The following DENND2B variants were observed in gnomAD, a reference collection of about 807,000 sequenced individuals.
DENND2B encodes DENN domain containing 2B, also known as DENN domain-containing protein 2B.
Under a neutral mutation model 116.0 loss-of-function variants are expected in DENND2B, and 32 were observed. The ratio of observed to expected loss-of-function variants is 0.28; its 90% confidence interval spans 0.21 to 0.37. The LOEUF (loss-of-function observed/expected upper bound fraction) is 0.37. DENND2B is among the 10% of genes least tolerant of loss of function. DENND2B has a pLI of 1.00. For synonymous variants in DENND2B, 588 were observed against 583.9 expected, an observed-to-expected ratio of 1.01 and a Z score of -0.10; for missense variants, 1,276 against 1,477.7, an observed-to-expected ratio of 0.86 and a Z score of 2.24.
upstream of DENND2B, among the ~76,000 whole-genome samples, chr11:8,813,969 C>G: frequency 6.6e-6 from 1 of 152,268 alleles, no homozygotes; most frequent in East Asian, 1.9e-4. Context: ...CTACCTGACC[C>G]TTCTGAAGGA....
At position 8,715,631 on chromosome 11, in the gene DENND2B, G is replaced by A; in HGVS notation, c.1817C>T (p.Ser606Phe). The A allele has an allele frequency of 6.2e-7, 1 of 1,613,454 alleles. No homozygotes were observed. The highest frequency in any genetic ancestry group is 8.5e-7 in the Non-Finnish European group (1 of 1,179,598). ...DSLSTTSELL[S>F]SRRARRIPKL... is the part of the protein sequence containing the mutation. ...GGGAATGCGGCGGGCCCGGCGGCTG[G>A]ACAGCAGCTCGCTGGTGGTGCTGAG... Residue 606 changes from serine (S) to phenylalanine (F), a missense_variant, in exon 6 of 20, where the codon TCC (serine) becomes TTC (phenylalanine). Ser to Phe is a radical substitution (Grantham distance 155). Transcript: ENST00000313726.
intron 9 of DENND2B, chr11:8,711,843 T>A (rs1358879252): frequency 5.7e-6 from 2 of 351,768 alleles, no homozygotes; most frequent in African/African-American, 4.3e-5. Flanking sequence ...CTCCAGCCTC[T>A]GTAACAAGAG....
intron 1 of DENND2B, chr11:8,895,539 T>C (rs2064090831): frequency 6.6e-6 from 1 of 152,092 alleles, no homozygotes; most frequent in African/African-American, 2.4e-5. Context: ...CTTACAGTAG[T>C]CAAAATAATA....
chr11:8,855,309 G>C (rs924107152), intron 3 of DENND2B, among the ~76,000 whole-genome samples: 4 of 151,734 alleles, frequency 2.6e-5, no homozygotes, highest in African/African-American at 9.7e-5. Flanking sequence ...ATCTCGCTCA[G>C]GCTGGCAATC....
At chr11:8,878,445 A>C (rs1259693862) in intron 2 of DENND2B, among the ~76,000 whole-genome samples, 1 of 151,402 alleles carries the variant, frequency 6.6e-6, no homozygotes, top group African/African-American at 2.4e-5. Flanking sequence ...GCTGGAGTGC[A>C]ATGGCGCGAT....
chr11:8,894,384 G>A (rs9794836), intron 1 of DENND2B, among the ~76,000 whole-genome samples: 132,972 of 151,958 alleles, frequency 0.88, 59,823 homozygotes, highest in East Asian at 1. Flanking sequence ...CAACAAAAGC[G>A]AAAATTGACA....
At chr11:8,697,396 G>T in intron 17 of DENND2B, 129 bp downstream of exon 17, 1 of 685,470 alleles carries the variant, frequency 1.5e-6, no homozygotes, top group Non-Finnish European at 2.5e-6. Context: ...AGACGCTAGA[G>T]TGAGACCAAG....
rs189297843 is a variant in DENND2B at position 8,775,509 on chromosome 11, C to T, written c.-25-24784G>A. ...AATGGGCACATTCTAGTGGCTAATT[C>T]CTCTGACCTTCCAGATGGCTGGGGT... is the stretch of plus-strand genomic sequence containing the variant. On this transcript the variant is annotated intron_variant, in intron 1 of 19. Transcript: ENST00000313726. 2.0e-5 allele frequency among the ~76,000 whole-genome samples: 3 copies of T among 152,154 alleles called. No homozygotes were observed. In the East Asian group the frequency reaches 5.8e-4, roughly 30 times the overall value.
At chr11:8,830,585 A>C (rs1012453645) in intron 4 of DENND2B, 2 of 152,222 alleles carry the variant, frequency 1.3e-5, no homozygotes, top group African/African-American at 4.8e-5. Flanking sequence ...GTGGAAAGAA[A>C]GATCTTTGTT....
chr11:8,806,605 A>AAAACACACACACACACAC (rs372362474), intron 1 of DENND2B, among the ~76,000 whole-genome samples: 9 of 118,576 alleles, frequency 7.6e-5, no homozygotes, highest in Admixed American at 1.8e-4. Context: ...CTCCCTTCAA[A>AAAACACACACACACACAC]ACACACACAC....
chr11:8,821,593 C>T (rs1422783259), intron 4 of DENND2B, among the ~76,000 whole-genome samples: 2 of 151,278 alleles, frequency 1.3e-5, no homozygotes, highest in African/African-American at 4.9e-5. Flanking sequence ...AAAAAAAGAA[C>T]TAACTTTAAA....
rs1247533964 is a variant in DENND2B, at chr11:8,880,341, T to C, written c.-156+669A>G. On this transcript the variant is annotated intron_variant, in intron 2 of 22. Coordinates refer to the DENND2B transcript ENST00000534127. The stretch of plus-strand genomic sequence containing the variant: ...ACAGATGCACTGGAAGCTGTCACTT[T>C]GAACTGTGTGTGTGTGTGTGTGTGT... Among the ~76,000 whole-genome samples, 6 of 79,524 alleles carry C rather than the reference T, an allele frequency of 7.5e-5. No homozygotes were observed. In the East Asian group the frequency reaches 1.5e-3, roughly 20 times the overall value. 52.2% of individuals were successfully genotyped at this position (79,524 alleles called of 152,430 possible). A position where few individuals can be genotyped will look rare whatever the true frequency, so the allele number is the denominator to read the frequency against.
chr11:8,763,552 G>A (rs2055062993), intron 1 of DENND2B, among the ~76,000 whole-genome samples: 1 of 151,444 alleles, frequency 6.6e-6, no homozygotes, highest in Admixed American at 6.6e-5. Flanking sequence ...ATACAGCAAT[G>A]AGAATGAACA....
At chr11:8,802,307 A>AAAAG in intron 1 of DENND2B, among the ~76,000 whole-genome samples, 1 of 151,918 alleles carries the variant, frequency 6.6e-6, no homozygotes, top group South Asian at 2.1e-4. Flanking sequence ...TGGAAAAAAA[A>AAAAG]AAAAGGAACT....
intron 4 of DENND2B, among the ~76,000 whole-genome samples, chr11:8,837,410 C>T (rs1202142749): frequency 6.6e-6 from 1 of 152,104 alleles, no homozygotes. Context: ...TGCAGTGGCA[C>T]GACCTGGGCT....
In DENND2B at chr11:8,713,927, A is replaced by G. The variant is rs980731586; in HGVS notation, c.1987+71T>C. 7 of 1,537,084 alleles carry G rather than the reference A, an allele frequency of 4.6e-6. No individual in the cohort carries two copies. In the African/African-American group the frequency reaches 5.4e-5, roughly 12 times the overall value. On this transcript the variant is annotated intron_variant, in intron 8 of 19. Coordinates refer to ENST00000313726, the MANE Select transcript of DENND2B (RefSeq NM_213618.2). ...TTAGGGACACTGGAACCACACATGC[A>G]TCGGAAGGGAAGGCTGATTCCCTGC...
chr11:8,748,466 C>T (rs1473275152), intron 2 of DENND2B, among the ~76,000 whole-genome samples: 3 of 152,208 alleles, frequency 2.0e-5, no homozygotes, highest in Non-Finnish European at 2.9e-5. Flanking sequence ...AAAGAACACA[C>T]CCAGATGTGG....
chr11:8,884,637 C>T (rs1434145169), intron 1 of DENND2B, among the ~76,000 whole-genome samples: 2 of 152,154 alleles, frequency 1.3e-5, no homozygotes, highest in African/African-American at 2.4e-5. Context: ...AATATGGTTT[C>T]AAAACAGAGA....
chr11:8,781,645 A>T (rs7937844), intron 1 of DENND2B, among the ~76,000 whole-genome samples: 6,085 of 151,236 alleles, frequency 0.04, 404 homozygotes, highest in African/African-American at 0.14. Context: ...CACACACATA[A>T]CCTCACAAGG....
Sources: allele counts gnomAD v4.1 joint callset (sites outside exome capture counted in the v4.1 genomes callset), GRCh38; gene constraint gnomAD v4.1.1; transcripts MANE v1.5; gene names NCBI Gene and HGNC (gene_info 2026-07-23, HGNC 2026-07-21).